UNC13C: variants seen among roughly 807,000 people sequenced by gnomAD.
UNC13C encodes the protein protein unc-13 homolog C.
Under a neutral mutation model 245.4 loss-of-function variants are expected in UNC13C, and 174 were observed. The observed-to-expected ratio is 0.71, with a 90% CI of 0.63 to 0.80. The LOEUF (loss-of-function observed/expected upper bound fraction) is 0.80, where lower values mean the gene tolerates loss of function less well. Among genes scored for constraint, UNC13C ranks in the 30% least tolerant of loss-of-function variants. The pLI, the probability that UNC13C is intolerant of heterozygous loss-of-function variation, is 0.00. For missense variants in UNC13C, 2,829 were observed against 2,602.9 expected, an observed-to-expected ratio of 1.09 and a Z score of -1.89; for synonymous variants, 992 against 895.1, an observed-to-expected ratio of 1.11 and a Z score of -1.93.
chr15:54,115,900 G>C (rs2030207812), intron 2 of UNC13C, among the ~76,000 whole-genome samples: 1 of 152,088 alleles, frequency 6.6e-6, no homozygotes, highest in Non-Finnish European at 1.5e-5. Flanking sequence ...TGGTAAGGCA[G>C]CAATAGACGC....
intron 19 of UNC13C, among the ~76,000 whole-genome samples, chr15:54,486,073 G>C (rs1355177394): frequency 6.6e-6 from 1 of 151,960 alleles, no homozygotes; most frequent in African/African-American, 2.4e-5. Flanking sequence ...CATGATGGCA[G>C]GGACACCGTG....
intron 18 of UNC13C, among the ~76,000 whole-genome samples, chr15:54,405,263 T>G (rs968393731): frequency 5.9e-5 from 9 of 152,194 alleles, no homozygotes; most frequent in African/African-American, 2.2e-4. Context: ...GTAAATTTGC[T>G]AAGCAGCAGA....
At chr15:54,619,761 T>C (rs938617298) in intron 30 of UNC13C, among the ~76,000 whole-genome samples, 1 of 152,134 alleles carries the variant, frequency 6.6e-6, no homozygotes, top group Non-Finnish European at 1.5e-5. Context: ...GTCCACGTAA[T>C]GCACATCAAA....
the UNC13C span, among the ~76,000 whole-genome samples, chr15:53,843,363 C>T: frequency 6.6e-6 from 1 of 151,992 alleles, no homozygotes; most frequent in Non-Finnish European, 1.5e-5. Context: ...GGGAGGATTG[C>T]TTGTGGGAGG....
At chr15:54,228,194 C>T (rs574314241) in intron 4 of UNC13C, among the ~76,000 whole-genome samples, 3 of 152,116 alleles carry the variant, frequency 2.0e-5, no homozygotes, top group East Asian at 2.0e-4. Flanking sequence ...AGGCCCAAGA[C>T]CTCTTTCGTC....
At chr15:54,556,182 A>T (rs1897082228) in intron 29 of UNC13C, among the ~76,000 whole-genome samples, 2 of 152,062 alleles carry the variant, frequency 1.3e-5, no homozygotes, top group African/African-American at 4.8e-5. Context: ...TTGAAAGATG[A>T]GTTTGTCTTC....
the UNC13C span, among the ~76,000 whole-genome samples, chr15:53,887,210 C>T: frequency 0.16 from 24,184 of 151,958 alleles, 2,024 homozygotes; most frequent in South Asian, 0.19. Flanking sequence ...ACTGTCTGTA[C>T]TATCTTCTCC....
At chr15:53,921,830 C>T in the UNC13C span, among the ~76,000 whole-genome samples, 1 of 152,066 alleles carries the variant, frequency 6.6e-6, no homozygotes, top group Non-Finnish European at 1.5e-5. Context: ...TATTAAATGT[C>T]CAGTTTTAGA....
At chr15:53,919,315 G>A in the UNC13C span, among the ~76,000 whole-genome samples, 1 of 152,110 alleles carries the variant, frequency 6.6e-6, no homozygotes, top group East Asian at 1.9e-4. Flanking sequence ...GATGTGTCTG[G>A]CACATCAAAA....
intron 2 of UNC13C, among the ~76,000 whole-genome samples, chr15:54,052,030 C>T (rs1351990208): frequency 7.5e-5 from 9 of 120,796 alleles, no homozygotes; most frequent in South Asian, 6.2e-4. Flanking sequence ...TTTGTTCTTG[C>T]GATAGTTTAC....
At chr15:54,140,397 TA>T (rs113391788) in intron 2 of UNC13C, among the ~76,000 whole-genome samples, 20 of 151,692 alleles carry the variant, frequency 1.3e-4, no homozygotes, top group Non-Finnish European at 2.2e-4. Context: ...GTGGTAAAAG[TA>T]AAAAAAACAG....
At chr15:53,961,243 G>A in the UNC13C span, among the ~76,000 whole-genome samples, 2 of 152,248 alleles carry the variant, frequency 1.3e-5, no homozygotes, top group African/African-American at 4.8e-5. Context: ...CACTGGCACA[G>A]CACCGGACCA....
rs570750364 is a variant in UNC13C, at chr15:54,035,346, C to T, written c.2983+19460C>T. ...TGTATCTATTTCCCTTTATATCTTC[C>T]TATGTTTTTATTTTTTTTTGTTCTT... is the stretch of plus-strand genomic sequence containing the variant. On this transcript the variant is annotated intron_variant, in intron 2 of 32. Transcript: ENST00000260323. Among the ~76,000 whole-genome samples, 5 of 151,780 alleles carry T rather than the reference C, an allele frequency of 3.3e-5. No homozygotes were observed. The East Asian group carries it at 9.7e-4, about 29-fold the overall frequency.
At chr15:54,492,510 C>T (rs1468878129) in intron 19 of UNC13C, among the ~76,000 whole-genome samples, 4 of 152,032 alleles carry the variant, frequency 2.6e-5, no homozygotes, top group Middle Eastern at 3.4e-3. Flanking sequence ...TTTACATGCA[C>T]AAATTTAAAC....
At chr15:54,479,341 T>A (rs1006071776) in intron 19 of UNC13C, among the ~76,000 whole-genome samples, 1 of 152,130 alleles carries the variant, frequency 6.6e-6, no homozygotes, top group Non-Finnish European at 1.5e-5. Flanking sequence ...GTTCTTCTTT[T>A]TCTCTTTTTC....
intron 13 of UNC13C, among the ~76,000 whole-genome samples, chr15:54,303,998 A>G (rs1236443280): frequency 6.6e-6 from 1 of 152,102 alleles, no homozygotes; most frequent in Non-Finnish European, 1.5e-5. Flanking sequence ...TATAAATCTC[A>G]GGAAAGGCAA....
chr15:54,019,674 A>G (rs187776981), intron 2 of UNC13C, among the ~76,000 whole-genome samples: 172 of 152,322 alleles, frequency 1.1e-3, no homozygotes, highest in African/African-American at 4.0e-3. Flanking sequence ...TAGTTTTTAC[A>G]TCATGTATAT....
intron 17 of UNC13C, among the ~76,000 whole-genome samples, chr15:54,373,304 C>A (rs1262928702): frequency 6.6e-6 from 1 of 152,210 alleles, no homozygotes; most frequent in Non-Finnish European, 1.5e-5. Flanking sequence ...CCAGTGGCAC[C>A]TTTGCCTGAG....
Position 54,387,059 on chromosome 15 carries a change from T to A in UNC13C, c.4714-5989T>A, listed in dbSNP as rs952537. Among the ~76,000 whole-genome samples the A allele has an allele frequency of 4.6e-5, 7 of 152,322 alleles. No individual in the cohort carries two copies. In the South Asian group the frequency reaches 1.2e-3, roughly 27 times the overall value. On this transcript the variant is annotated intron_variant, in intron 17 of 32. Transcript: ENST00000260323. Reference sequence around the variant, plus strand: ...TATCTGAAACTTTAGGTTCTACTTCTAAACTGATGGTGAACCCCAATATTG... The same window carrying A: ...TATCTGAAACTTTAGGTTCTACTTCAAAACTGATGGTGAACCCCAATATTG...
Sources: allele counts gnomAD v4.1 joint callset (sites outside exome capture counted in the v4.1 genomes callset), GRCh38; gene constraint gnomAD v4.1.1; transcripts MANE v1.5; gene names NCBI Gene and HGNC (gene_info 2026-07-23, HGNC 2026-07-21).